AFAP1L2: variants seen among roughly 807,000 people sequenced by gnomAD.
The protein encoded by AFAP1L2 is actin filament-associated protein 1-like 2.
Under a neutral mutation model 99.3 loss-of-function variants are expected in AFAP1L2, and 46 were observed. The observed-to-expected ratio is 0.46, with a 90% CI of 0.37 to 0.59. AFAP1L2 has a LOEUF of 0.59. AFAP1L2 is among the 20% of genes least tolerant of loss of function. The probability of loss-of-function intolerance (pLI) is 0.00; values close to 1 mark genes in which losing one functional copy is unlikely to be tolerated. For missense variants in AFAP1L2, 959 were observed against 1,034.9 expected (o/e 0.93, Z 1.01); for synonymous variants, 397 against 419.1 (o/e 0.95, Z 0.64).
intron 1 of AFAP1L2, among the ~76,000 whole-genome samples, chr10:114,372,061 G>C (rs2054191098): frequency 6.6e-6 from 1 of 152,192 alleles, no homozygotes; most frequent in Non-Finnish European, 1.5e-5. Context: ...CAACAACAAA[G>C]GTTCTTTCCC....
At chr10:114,378,998 G>C (rs1200894527) in intron 1 of AFAP1L2, among the ~76,000 whole-genome samples, 3 of 152,168 alleles carry the variant, frequency 2.0e-5, no homozygotes, top group Non-Finnish European at 4.4e-5. Flanking sequence ...GATCGCCTGA[G>C]GTCAGGAGTT....
rs758943777 is a variant in AFAP1L2 at position 114,301,319 on chromosome 10, G to A, written c.1542+35C>T. On this transcript the variant is annotated intron_variant, in intron 13 of 18. Coordinates refer to ENST00000304129, the MANE Select transcript of AFAP1L2 (RefSeq NM_001001936.3). Reference sequence around the variant, plus strand: ...TTGAGGTTGGTAGGAGGAGGGCCTGGAGAGGCCCAGGCCACTGCCTGGCCG... The same window carrying A: ...TTGAGGTTGGTAGGAGGAGGGCCTGAAGAGGCCCAGGCCACTGCCTGGCCG... 1.0e-5 allele frequency: 16 copies of A among 1,543,350 alleles called. No individual in the cohort carries two copies. The South Asian group carries it at 1.8e-4, about 17-fold the overall frequency.
intron 1 of AFAP1L2, among the ~76,000 whole-genome samples, chr10:114,390,276 T>C (rs1338195496): frequency 6.6e-6 from 1 of 152,180 alleles, no homozygotes; most frequent in Non-Finnish European, 1.5e-5. Flanking sequence ...AGTTCACCTG[T>C]TCCCTCTCCC....
intron 16 of AFAP1L2, 95 bp downstream of exon 16, chr10:114,299,165 T>G: frequency 7.9e-5 from 116 of 1,471,186 alleles, no homozygotes; most frequent in Non-Finnish European, 9.6e-5. Flanking sequence ...GCCCACTGAT[T>G]GAGAAGGTGT....
downstream of AFAP1L2, among the ~76,000 whole-genome samples, chr10:114,294,101 A>T (rs2039847306): frequency 6.6e-6 from 1 of 152,172 alleles, no homozygotes; most frequent in South Asian, 2.1e-4. Flanking sequence ...ATTTTCAATC[A>T]TTGAACAACC....
intron 1 of AFAP1L2, among the ~76,000 whole-genome samples, chr10:114,349,296 T>C (rs1466378771): frequency 6.8e-6 from 1 of 146,976 alleles, no homozygotes; most frequent in Admixed American, 7.1e-5. Context: ...AAGAATCACT[T>C]GAACCCAGGA....
chr10:114,288,834 A>G, the AFAP1L2 span: 1 of 1,198,722 alleles, frequency 8.3e-7, no homozygotes, highest in East Asian at 2.4e-5. Flanking sequence ...TGAACAGAGC[A>G]CCCTGGCTGA....
intron 1 of AFAP1L2, among the ~76,000 whole-genome samples, chr10:114,351,317 G>A (rs984037289): frequency 6.6e-5 from 10 of 152,100 alleles, no homozygotes; most frequent in African/African-American, 7.2e-5. Flanking sequence ...ATTTGGAGCC[G>A]TAAATCTAAG....
chr10:114,305,862 G>A (rs1477640714), intron 10 of AFAP1L2, among the ~76,000 whole-genome samples: 19 of 100,164 alleles, frequency 1.9e-4, no homozygotes, highest in South Asian at 3.9e-4. Flanking sequence ...GAGGGGACGC[G>A]GGTGCAGGAG....
intron 1 of AFAP1L2, among the ~76,000 whole-genome samples, chr10:114,394,449 AG>A (rs912369372): frequency 9.4e-5 from 11 of 116,732 alleles, no homozygotes; most frequent in Non-Finnish European, 1.7e-4. Context: ...ACCAGGAGAG[AG>A]TTGGGAGGGT....
intron 1 of AFAP1L2, among the ~76,000 whole-genome samples, chr10:114,350,114 A>C (rs538165209): frequency 2.6e-5 from 4 of 152,276 alleles, no homozygotes; most frequent in African/African-American, 9.6e-5. Flanking sequence ...TTCCAACCCC[A>C]GCTTAGGAGC....
intron 1 of AFAP1L2, among the ~76,000 whole-genome samples, chr10:114,390,262 T>C (rs2056974852): frequency 6.6e-6 from 1 of 152,226 alleles, no homozygotes; most frequent in East Asian, 1.9e-4. Context: ...GACATGTATC[T>C]ATCAGTTCAC....
intron 1 of AFAP1L2, among the ~76,000 whole-genome samples, chr10:114,392,257 G>A (rs2138016468): frequency 6.6e-6 from 1 of 152,306 alleles, no homozygotes; most frequent in East Asian, 1.9e-4. Flanking sequence ...AGGTGTGGTA[G>A]TGTGCACCTG....
intron 1 of AFAP1L2, among the ~76,000 whole-genome samples, chr10:114,396,988 C>G (rs1816044952): frequency 6.6e-6 from 1 of 152,176 alleles, no homozygotes; most frequent in Admixed American, 6.5e-5. Context: ...TGCAGACACA[C>G]CCACACCAAG....
chr10:114,284,015 A>G, the AFAP1L2 span, among the ~76,000 whole-genome samples: 1 of 152,228 alleles, frequency 6.6e-6, no homozygotes, highest in Admixed American at 6.5e-5. Context: ...TGATCACATG[A>G]AGACCTTGTT....
rs1564803464 is a variant in AFAP1L2, at chr10:114,304,795, A to G, written c.1208T>C (p.Val403Ala). The change falls in exon 11 of 19, where the codon GTG becomes GCG. Residue 403 changes from valine to alanine, a missense_variant. Physicochemically the swap from Val to Ala is moderately conservative, Grantham distance 64. Coordinates refer to ENST00000304129, the MANE Select transcript of AFAP1L2 (RefSeq NM_001001936.3). The part of the protein sequence containing the change: ...QQPLSLVGCE[V>A]VPDPSPDHLY... ...GTGGTCGGGGCTGGGGTCTGGGACCACCTCGCAGCCCACCAGGCTGAGGGG... is the reference window on the plus strand; with the variant it reads ...GTGGTCGGGGCTGGGGTCTGGGACCGCCTCGCAGCCCACCAGGCTGAGGGG... The G allele has an allele frequency of 6.2e-7, 1 of 1,613,062 alleles. No homozygotes were observed. The highest frequency in any genetic ancestry group is 8.5e-7 in the Non-Finnish European group (1 of 1,179,960).
chr10:114,355,357 C>T (rs1260113468), intron 1 of AFAP1L2, among the ~76,000 whole-genome samples: 1 of 151,282 alleles, frequency 6.6e-6, no homozygotes, highest in Non-Finnish European at 1.5e-5. Context: ...CGGATTCACA[C>T]AAACTGCTGT....
intron 1 of AFAP1L2, among the ~76,000 whole-genome samples, chr10:114,353,177 G>A (rs967168811): frequency 6.6e-6 from 1 of 152,164 alleles, no homozygotes; most frequent in Non-Finnish European, 1.5e-5. Flanking sequence ...CTAGGAAGTG[G>A]GCTTTTCCTT....
At chr10:114,284,614 C>G in the AFAP1L2 span, among the ~76,000 whole-genome samples, 1 of 152,362 alleles carries the variant, frequency 6.6e-6, no homozygotes. Flanking sequence ...TTCAGTCTAA[C>G]ACCAGTTCAT....
Sources: gnomAD v4.1 joint callset for allele counts (sites outside exome capture counted in the v4.1 genomes callset) on GRCh38, gnomAD v4.1.1 for gene constraint, MANE v1.5 for transcripts, NCBI Gene and HGNC (gene_info 2026-07-23, HGNC 2026-07-21) for gene names.